The following GRID2 variants were observed in gnomAD, a reference collection of about 807,000 sequenced individuals.
GRID2 encodes glutamate ionotropic receptor delta type subunit 2.
GRID2 carries 33 observed loss-of-function variants against 114.8 expected under a neutral mutation model. The observed-to-expected ratio is 0.29, with a 90% confidence interval of 0.22 to 0.38. The LOEUF (loss-of-function observed/expected upper bound fraction) is 0.38, where lower values mean the gene tolerates loss of function less well. GRID2 is among the 10% of genes least tolerant of loss of function. GRID2 has a pLI of 1.00. For missense variants in GRID2, 1,184 were observed against 1,257.7 expected (o/e 0.94, Z 0.89); for synonymous variants, 505 against 449.9 (o/e 1.12, Z -1.55).
At chr4:92,793,971 A>G (rs1352962657) in intron 2 of GRID2, among the ~76,000 whole-genome samples, 1 of 151,864 alleles carries the variant, frequency 6.6e-6, no homozygotes, top group Non-Finnish European at 1.5e-5. Context: ...AAATTTTTAG[A>G]AGGTAGGGAA....
intron 1 of GRID2, among the ~76,000 whole-genome samples, chr4:92,480,777 A>G (rs2149104389): frequency 6.6e-6 from 1 of 152,248 alleles, no homozygotes; most frequent in East Asian, 1.9e-4. Context: ...AGGTGTAGGC[A>G]TATCTTTTGG....
At chr4:93,626,072 G>A (rs1742702408) in intron 13 of GRID2, among the ~76,000 whole-genome samples, 197 bp from the exon 14 acceptor site, 1 of 152,186 alleles carries the variant, frequency 6.6e-6, no homozygotes, top group South Asian at 2.1e-4. Context: ...TTTATATAAG[G>A]ACTTGAGCAT....
At chr4:92,805,926 G>A (rs1021739436) in intron 2 of GRID2, among the ~76,000 whole-genome samples, 5 of 151,330 alleles carry the variant, frequency 3.3e-5, no homozygotes, top group East Asian at 1.9e-4. Context: ...TCTGCAAATC[G>A]TATTTACTGT....
chr4:93,682,989 A>G (rs1725729452), intron 14 of GRID2, among the ~76,000 whole-genome samples: 1 of 152,098 alleles, frequency 6.6e-6, no homozygotes, highest in Admixed American at 6.6e-5. Context: ...AGAAGAAAAA[A>G]AAACCCTAGG....
intron 1 of GRID2, among the ~76,000 whole-genome samples, chr4:92,411,651 G>GTATATA (rs1365702947): frequency 2.2e-3 from 212 of 96,314 alleles, no homozygotes; most frequent in Middle Eastern, 5.2e-3. Context: ...GTGTGTGTGT[G>GTATATA]TGTGTATATA....
chr4:92,554,071 A>C (rs1302626491), intron 1 of GRID2, among the ~76,000 whole-genome samples: 2 of 152,200 alleles, frequency 1.3e-5, no homozygotes, highest in Non-Finnish European at 2.9e-5. Context: ...CATGAAAATC[A>C]CATAGGTATG....
intron 8 of GRID2, among the ~76,000 whole-genome samples, chr4:93,394,101 G>A (rs1178604733): frequency 5.9e-5 from 9 of 151,950 alleles, no homozygotes; most frequent in Non-Finnish European, 1.2e-4. Context: ...ACACATCAGG[G>A]AATGTAATTG....
intron 12 of GRID2, among the ~76,000 whole-genome samples, chr4:93,494,552 A>AAAG (rs1374086782): frequency 6.6e-6 from 1 of 151,836 alleles, no homozygotes; most frequent in Non-Finnish European, 1.5e-5. Flanking sequence ...GTTATTAATA[A>AAAG]AAGTTTTGAA....
intron 14 of GRID2, among the ~76,000 whole-genome samples, chr4:93,754,484 G>C (rs1157973382): frequency 1.3e-5 from 2 of 152,088 alleles, no homozygotes; most frequent in African/African-American, 2.4e-5. Flanking sequence ...TATTTGCAGT[G>C]ATCTATATAG....
rs147055655 is a variant in GRID2, at chr4:93,342,015, A to G, written c.1246-53592A>G. Among the ~76,000 whole-genome samples, 58 of 152,268 alleles carry G rather than the reference A, an allele frequency of 3.8e-4. No homozygotes were observed. The East Asian group carries it at 0.011, about 29-fold the overall frequency. ...GAATCTTCTCTCCTTCTATTCCACT[A>G]TTATCTTGGTCCAAGCTATGCAATA... On this transcript the variant is annotated intron_variant, in intron 8 of 15. Transcript: ENST00000282020.
intron 2 of GRID2, among the ~76,000 whole-genome samples, chr4:92,731,564 T>G (rs1736329572): frequency 6.6e-6 from 1 of 151,980 alleles, no homozygotes. Context: ...ATCTTCAAAC[T>G]GATTTTGTAA....
intron 2 of GRID2, among the ~76,000 whole-genome samples, chr4:92,816,171 C>T (rs1287005456): frequency 5.3e-5 from 8 of 150,514 alleles, no homozygotes; most frequent in African/African-American, 1.7e-4. Context: ...CAAAATTAGC[C>T]GGGTGTGGTG....
chr4:93,707,043 C>A (rs371573886), intron 14 of GRID2, among the ~76,000 whole-genome samples: 3 of 151,918 alleles, frequency 2.0e-5, no homozygotes. Context: ...CTTGCATCGC[C>A]GGAATATATC....
intron 10 of GRID2, among the ~76,000 whole-genome samples, chr4:93,450,775 AATCATTTT>A (rs1722614432): frequency 6.6e-6 from 1 of 151,912 alleles, no homozygotes; most frequent in Non-Finnish European, 1.5e-5. Flanking sequence ...AAATTTAAAT[AATCATTTT>A]ACAATAAATA....
chr4:92,872,023 G>A (rs550771198), intron 2 of GRID2, among the ~76,000 whole-genome samples: 2 of 152,234 alleles, frequency 1.3e-5, no homozygotes, highest in South Asian at 4.1e-4. Context: ...GTGTGTGTCT[G>A]TGTGTGTGTT....
intron 2 of GRID2, among the ~76,000 whole-genome samples, chr4:92,687,080 C>T (rs1224182592): frequency 1.3e-5 from 2 of 152,086 alleles, no homozygotes; most frequent in Non-Finnish European, 2.9e-5. Flanking sequence ...ACTACAGCAT[C>T]ATTTGCAAAT....
chr4:92,643,118 A>G (rs1223214249), intron 2 of GRID2, among the ~76,000 whole-genome samples: 4 of 151,346 alleles, frequency 2.6e-5, no homozygotes, highest in South Asian at 2.1e-4. Context: ...GAATAGTTTT[A>G]TTTTTTTAAT....
chr4:93,316,146 GA>G, intron 8 of GRID2, among the ~76,000 whole-genome samples: 1 of 151,612 alleles, frequency 6.6e-6, no homozygotes, highest in East Asian at 1.9e-4. Flanking sequence ...CATAGTTGGG[GA>G]AAATAATCTC....
rs1408991556 is a variant in GRID2 at position 93,490,697 on chromosome 4, A to G, written c.1917A>G (p.Leu639=). Residue 639 remains leucine (L), a synonymous_variant, in exon 12 of 16, where the codon CTA becomes CTG. Transcript: ENST00000282020. ...GAATGATGATGGGGGCTTGGTGGCT[A>G]TTTGCTTTGATTGTTATCTCATCTT... The part of the protein sequence containing the change: ...ATRMMMGAWW[L]FALIVISSYT... The G allele has an allele frequency of 3.7e-6, 6 of 1,609,652 alleles. No individual in the cohort carries two copies. Among genetic ancestry groups the G allele is most frequent in the Non-Finnish European group, 5.1e-6 (6 of 1,176,780 alleles).
Sources: allele counts gnomAD v4.1 joint callset (sites outside exome capture counted in the v4.1 genomes callset), GRCh38; gene constraint gnomAD v4.1.1; transcripts MANE v1.5; gene names NCBI Gene and HGNC (gene_info 2026-07-23, HGNC 2026-07-21).